WIPI2: variants seen among roughly 807,000 people sequenced by gnomAD.
The protein encoded by WIPI2 is WD repeat domain phosphoinositide-interacting protein 2.
A neutral mutation model predicts 52.3 loss-of-function variants in WIPI2; 28 were observed. The ratio of observed to expected loss-of-function variants is 0.54; its 90% CI spans 0.40 to 0.73. WIPI2 has a LOEUF of 0.73. WIPI2 is among the 30% of genes least tolerant of loss of function. The pLI is 0.00. For missense variants in WIPI2, 506 were observed against 602.9 expected, an observed-to-expected ratio of 0.84 and a Z score of 1.68; for synonymous variants, 268 against 245.0, an observed-to-expected ratio of 1.09 and a Z score of -0.88.
At chr7:5,224,979 C>A (rs1349149529) in intron 8 of WIPI2, among the ~76,000 whole-genome samples, 1 of 152,162 alleles carries the variant, frequency 6.6e-6, no homozygotes, top group Non-Finnish European at 1.5e-5. Flanking sequence ...ATGGTCAACA[C>A]TGACTCCAGG....
chr7:5,197,024 A>G (rs1328386855), intron 2 of WIPI2, among the ~76,000 whole-genome samples: 2 of 139,370 alleles, frequency 1.4e-5, no homozygotes, highest in African/African-American at 2.6e-5. Flanking sequence ...AGGCAGGAGA[A>G]TTGACTGAAC....
chr7:5,228,567 C>T (rs1375137036), intron 11 of WIPI2, among the ~76,000 whole-genome samples: 1 of 152,196 alleles, frequency 6.6e-6, no homozygotes, highest in African/African-American at 2.4e-5. Flanking sequence ...AAGGGCGCAG[C>T]GTGGTGGCCT....
At chr7:5,198,560 C>T (rs1157237542) in intron 2 of WIPI2, among the ~76,000 whole-genome samples, 5 of 152,080 alleles carry the variant, frequency 3.3e-5, no homozygotes, top group South Asian at 2.1e-4. Context: ...GTAATCTGCC[C>T]GCCTCAGCCT....
At position 5,230,464 on chromosome 7, in the gene WIPI2, C is replaced by G. The variant is rs564657303; in HGVS notation, c.1253-371C>G. On this transcript the variant is annotated intron_variant, in intron 12 of 12. Transcript: ENST00000288828. This position sits in a 1 kb window ranked among gnomAD's most constrained non-coding sequence, Gnocchi z 4.8. ...GGGCTGTGCCTGCTCGCTGCCACTC[C>G]CATCTGTGAACCGGCACTTCCAGTT... Among the ~76,000 whole-genome samples, 3 of 152,328 alleles carry G rather than the reference C, an allele frequency of 2.0e-5. No individual in the cohort carries two copies. Among genetic ancestry groups the G allele is most frequent in the African/African-American group, 7.2e-5 (3 of 41,572 alleles).
In WIPI2 at chr7:5,193,041, T is replaced by C. The variant is rs992206597; in HGVS notation, c.75-77T>C. ...TTCCAATGTCGTACTTTTTCATGAT[T>C]CCTATCCTAAAAGTGTGCATAAGTT... On this transcript the variant is annotated intron_variant, in intron 1 of 12. Coordinates refer to ENST00000288828, the MANE Select transcript of WIPI2 (RefSeq NM_015610.4). The C allele has an allele frequency of 7.8e-6, 11 of 1,401,702 alleles. No homozygotes were observed. The Admixed American group carries it at 1.0e-4, about 13-fold the overall frequency. The allele number at this position is 1,401,702 out of a possible 1,614,324, so 86.8% of individuals were successfully genotyped here.
chr7:5,215,167 C>T (rs113622034), intron 4 of WIPI2, among the ~76,000 whole-genome samples: 15 of 152,188 alleles, frequency 9.9e-5, no homozygotes, highest in African/African-American at 3.4e-4. Context: ...AAAAATTAGC[C>T]GGGCATGGTG....
chr7:5,199,662 AGT>A lies in WIPI2; in HGVS notation c.211+7_211+8del. ...CTGGAACAGATCTATGAATGCAGTA[AGT>A]GTTTGCTTTATTTTTCCCCTTCTTA... On this transcript the variant is annotated splice_donor_5th_base_variant and intron_variant, in intron 3 of 12. Transcript: ENST00000288828. 1 of 1,578,296 alleles carries A rather than the reference AGT, an allele frequency of 6.3e-7. No homozygotes were observed. The highest frequency in any genetic ancestry group is 8.6e-7 in the Non-Finnish European group (1 of 1,169,562).
chr7:5,215,558 T>G (rs567597823), intron 4 of WIPI2, among the ~76,000 whole-genome samples: 1 of 152,320 alleles, frequency 6.6e-6, no homozygotes, highest in South Asian at 2.1e-4. Flanking sequence ...CCGCACTCCC[T>G]GCAGGGAAAG....
rs1006118185 is a variant in WIPI2, at chr7:5,230,631, A to C, written c.1253-204A>C. On this transcript the variant is annotated intron_variant, in intron 12 of 12. Coordinates refer to ENST00000288828, the MANE Select transcript of WIPI2 (RefSeq NM_015610.4). This position sits in a 1 kb window ranked among gnomAD's most constrained non-coding sequence, Gnocchi z 4.8. ...GCAGGCATCATTTTGACATTTATGAATGTCAGAGAACAAATGACTTCATCT... is the reference window on the plus strand; with the variant it reads ...GCAGGCATCATTTTGACATTTATGACTGTCAGAGAACAAATGACTTCATCT... 1.3e-5 allele frequency among the ~76,000 whole-genome samples: 2 copies of C among 152,226 alleles called. No individual in the cohort carries two copies. Among genetic ancestry groups the C allele is most frequent in the East Asian group, 1.9e-4 (1 of 5,198 alleles).
chr7:5,217,048 C>CA, intron 5 of WIPI2, 42 bp from the exon 6 acceptor site: 1 of 1,573,040 alleles, frequency 6.4e-7, no homozygotes, highest in South Asian at 1.1e-5. Context: ...AAGGAACTCT[C>CA]AGGTGGAAGT....
At chr7:5,222,085 G>A (rs556973160) in intron 7 of WIPI2, among the ~76,000 whole-genome samples, 3 of 151,914 alleles carry the variant, frequency 2.0e-5, no homozygotes, top group South Asian at 4.1e-4. Flanking sequence ...GAGTAGTTGG[G>A]ATTACAGGCA....
At position 5,232,619 on chromosome 7, in the gene WIPI2, C is replaced by T. The variant is rs889613613; in HGVS notation, c.*1672C>T. The T allele has an allele frequency of 1.0e-5, 3 of 286,874 alleles. No homozygotes were observed. The highest frequency in any genetic ancestry group is 1.0e-4 in the Admixed American group (2 of 19,116). The allele number at this position is 286,874 out of a possible 1,614,324, so 17.8% of individuals were successfully genotyped here. A position where few individuals can be genotyped will look rare whatever the true frequency, so the allele number is the denominator to read the frequency against. ...ATGCTTGAGCAGGGATGAGAAGGGC[C>T]GCGGCAGCACGCAGCCTTGACCCAC... On this transcript the variant is annotated 3_prime_UTR_variant, in exon 13 of 13. Transcript: ENST00000288828.
At position 5,223,721 on chromosome 7, in the gene WIPI2, G is replaced by A. The variant is rs114083464; in HGVS notation, c.740+1049G>A. On this transcript the variant is annotated intron_variant, in intron 8 of 12. Transcript: ENST00000288828. ...TATTCCTCCTGCCTGCTGGGCACTGGGCACCTCAAGCCACCAGGCCAGTTT... is the reference window on the plus strand; with the variant it reads ...TATTCCTCCTGCCTGCTGGGCACTGAGCACCTCAAGCCACCAGGCCAGTTT... Among the ~76,000 whole-genome samples, 1,198 of 152,206 alleles carry A rather than the reference G, an allele frequency of 7.9e-3. 20 individuals carry two copies. The highest frequency in any genetic ancestry group is 0.028 in the African/African-American group (1,147 of 41,522).
At chr7:5,225,769 C>A in intron 8 of WIPI2, 54 bp from the exon 9 acceptor site, 2 of 1,354,094 alleles carry the variant, frequency 1.5e-6, no homozygotes, top group South Asian at 1.2e-5. Context: ...TGAGTTGAAC[C>A]CCTGGGGCAG....
At chr7:5,211,096 A>AGTT (rs1469212498) in intron 3 of WIPI2, among the ~76,000 whole-genome samples, 1 of 152,248 alleles carries the variant, frequency 6.6e-6, no homozygotes, top group African/African-American at 2.4e-5. Context: ...GGAAAAGGAC[A>AGTT]GTTGTTTTCA....
intron 2 of WIPI2, 125 bp downstream of exon 2, chr7:5,193,296 G>A (rs978344145): frequency 1.3e-4 from 195 of 1,518,908 alleles, no homozygotes; most frequent in Non-Finnish European, 1.7e-4. Context: ...AATCTGAAAT[G>A]GAAATATCAA....
intron 3 of WIPI2, among the ~76,000 whole-genome samples, chr7:5,208,491 T>TA (rs1021381113): frequency 2.0e-5 from 3 of 152,096 alleles, no homozygotes; most frequent in Admixed American, 1.3e-4. Flanking sequence ...GCCTACCCTG[T>TA]AGTCAGGAAG....
intron 1 of WIPI2, among the ~76,000 whole-genome samples, chr7:5,192,650 C>G (rs1032882078): frequency 6.6e-6 from 1 of 152,146 alleles, no homozygotes; most frequent in African/African-American, 2.4e-5. Context: ...TAGTGTAAAC[C>G]TAAATTGGAA....
At chr7:5,218,176 A>AGAGT in intron 7 of WIPI2, 162 bp downstream of exon 7, 2 of 654,554 alleles carry the variant, frequency 3.1e-6, no homozygotes, top group Non-Finnish European at 5.3e-6. Context: ...GTACTGCCCG[A>AGAGT]GAGTGAGCGG....
Sources: allele counts gnomAD v4.1 joint callset (sites outside exome capture counted in the v4.1 genomes callset), GRCh38; gene constraint gnomAD v4.1.1; non-coding constraint Gnocchi (gnomAD v3.1); transcripts MANE v1.5; gene names NCBI Gene and HGNC (gene_info 2026-07-23, HGNC 2026-07-21).